The following KIF16B variants were observed in gnomAD, a reference collection of about 807,000 sequenced individuals.
KIF16B encodes the protein kinesin family member 16B.
In KIF16B, 98 loss-of-function variants were observed where a neutral mutation model predicts 156.3. That is an observed-to-expected ratio of 0.63 (90% CI 0.53 to 0.74). The LOEUF is 0.74. Ranked by LOEUF, KIF16B falls within the 30% of genes least tolerant of loss-of-function variation. The pLI, the probability that KIF16B is intolerant of heterozygous loss-of-function variation, is 0.00. For synonymous variants in KIF16B, 564 were observed against 583.7 expected, an observed-to-expected ratio of 0.97 and a Z score of 0.49; for missense variants, 1,421 against 1,606.5, an observed-to-expected ratio of 0.88 and a Z score of 1.97.
intron 23 of KIF16B, among the ~76,000 whole-genome samples, chr20:16,339,589 C>T (rs780273576): frequency 1.3e-5 from 2 of 152,134 alleles, no homozygotes; most frequent in Non-Finnish European, 2.9e-5. Context: ...ATGTCTAATA[C>T]GCATCTCACA....
intron 9 of KIF16B, 27 bp from the exon 10 acceptor site, chr20:16,504,574 T>A: frequency 6.3e-7 from 1 of 1,597,502 alleles, no homozygotes. Context: ...CAAAAAATAA[T>A]TTATCCAGCA....
intron 12 of KIF16B, among the ~76,000 whole-genome samples, chr20:16,493,458 T>C (rs2328041): frequency 6.6e-6 from 1 of 152,228 alleles, no homozygotes; most frequent in Non-Finnish European, 1.5e-5. Context: ...TGCCAAGACA[T>C]TCTGCCAAGA....
chr20:16,546,471 C>T (rs2070409434), intron 1 of KIF16B, among the ~76,000 whole-genome samples: 1 of 152,174 alleles, frequency 6.6e-6, no homozygotes, highest in Admixed American at 6.5e-5. Flanking sequence ...TGGAGATAAA[C>T]CAGTGGACAA....
intron 1 of KIF16B, among the ~76,000 whole-genome samples, chr20:16,567,982 C>T (rs1447582052): frequency 6.6e-6 from 1 of 152,150 alleles, no homozygotes; most frequent in Non-Finnish European, 1.5e-5. Context: ...GTACCTGGTA[C>T]CTGGCAGTGC....
intron 24 of KIF16B, 55 bp downstream of exon 24, chr20:16,335,863 AATCAGCTC>A (rs200576106): frequency 0.017 from 16,944 of 1,000,350 alleles, 187 homozygotes; most frequent in Non-Finnish European, 0.021. Context: ...TTGCTAATGC[AATCAGCTC>A]ATTTACTTTA....
At chr20:16,490,691 G>C (rs2146910974) in intron 12 of KIF16B, among the ~76,000 whole-genome samples, 1 of 152,328 alleles carries the variant, frequency 6.6e-6, no homozygotes, top group African/African-American at 2.4e-5. Flanking sequence ...CTCAGGAGAA[G>C]TTAATCTGCC....
In KIF16B at chr20:16,280,905, A is replaced by G. The variant is rs531433837; in HGVS notation, c.3796-7494T>C. Among the ~76,000 whole-genome samples, 45 of 150,830 alleles carry G rather than the reference A, an allele frequency of 3.0e-4. No individual in the cohort carries two copies. In the South Asian group the frequency reaches 7.1e-3, roughly 24 times the overall value. On this transcript the variant is annotated intron_variant, in intron 25 of 25. Coordinates refer to ENST00000354981, the MANE Select transcript of KIF16B (RefSeq NM_024704.5). The stretch of plus-strand genomic sequence containing the variant: ...CAAGCATGAGAATTTGGGCCTTCAG[A>G]TGCCTTTGAAAGACCTAAGCCTCCT...
chr20:16,504,262 C>T (rs1162751688), intron 10 of KIF16B, 110 bp downstream of exon 10: 1 of 1,075,212 alleles, frequency 9.3e-7, no homozygotes, highest in East Asian at 2.4e-5. Context: ...CTTTACTTAG[C>T]ACTTATTTAC....
intron 22 of KIF16B, among the ~76,000 whole-genome samples, chr20:16,360,671 A>C (rs2064534239): frequency 6.6e-6 from 1 of 152,214 alleles, no homozygotes; most frequent in Non-Finnish European, 1.5e-5. Flanking sequence ...TAAATACAAA[A>C]AATATTTTTT....
At chr20:16,446,853 G>A (rs998216218) in intron 12 of KIF16B, among the ~76,000 whole-genome samples, 1 of 152,142 alleles carries the variant, frequency 6.6e-6, no homozygotes, top group African/African-American at 2.4e-5. Context: ...AACAATAAAT[G>A]CTCCTACACA....
chr20:16,289,230 T>A (rs1359011204), intron 25 of KIF16B, among the ~76,000 whole-genome samples: 1 of 152,182 alleles, frequency 6.6e-6, no homozygotes, highest in Non-Finnish European at 1.5e-5. Flanking sequence ...AAAGTACGGT[T>A]TCTACTGAAT....
At chr20:16,358,039 A>C (rs1243101647) in intron 22 of KIF16B, among the ~76,000 whole-genome samples, 2 of 152,152 alleles carry the variant, frequency 1.3e-5, no homozygotes, top group African/African-American at 4.8e-5. Flanking sequence ...AATACAAAAA[A>C]GTAGTCGGGA....
At chr20:16,565,864 C>A (rs566900289) in intron 1 of KIF16B, among the ~76,000 whole-genome samples, 12 of 152,340 alleles carry the variant, frequency 7.9e-5, no homozygotes, top group Admixed American at 4.6e-4. Flanking sequence ...CCAAGCCACT[C>A]AGAGTCATCT....
Position 16,374,256 on chromosome 20 carries a change from C to A in KIF16B, c.3350+1G>T, listed in dbSNP as rs138620712. On this transcript the variant is annotated splice_donor_variant, in intron 20 of 25. Transcript: ENST00000354981. LOFTEE classifies it high-confidence loss of function. ...CCTGGAATCACTTTCATGTCCAGTACCTGGCATCCATGAGGGGAACCAGGT... is the reference window on the plus strand; with the variant it reads ...CCTGGAATCACTTTCATGTCCAGTAACTGGCATCCATGAGGGGAACCAGGT... 141 of 1,562,992 alleles carry A rather than the reference C, an allele frequency of 9.0e-5. 1 individual carries two copies. The African/African-American group carries it at 1.6e-3, about 18-fold the overall frequency.
chr20:16,297,088 G>A (rs906420489), intron 25 of KIF16B, among the ~76,000 whole-genome samples: 5 of 152,188 alleles, frequency 3.3e-5, no homozygotes, highest in Admixed American at 1.3e-4. Context: ...GAACTTACAC[G>A]GTCATCTCTC....
At chr20:16,476,623 T>C (rs1438171147) in intron 12 of KIF16B, among the ~76,000 whole-genome samples, 1 of 152,226 alleles carries the variant, frequency 6.6e-6, no homozygotes, top group Non-Finnish European at 1.5e-5. Flanking sequence ...CTGATTTAGG[T>C]ATATCATGGG....
chr20:16,494,186 T>C lies in KIF16B; in HGVS notation c.1302+105A>G, dbSNP rs2068378745. ...ACTAATTGGTTCCAGTGATCTTACC[T>C]TAACAAAGTATACAACTGCCATGTT... On this transcript the variant is annotated intron_variant, in intron 12 of 25. Coordinates refer to ENST00000354981, the MANE Select transcript of KIF16B (RefSeq NM_024704.5). 7.2e-6 allele frequency: 5 copies of C among 696,170 alleles called. No homozygotes were observed. The Admixed American group carries it at 9.5e-5, about 13-fold the overall frequency. 43.1% of individuals were successfully genotyped at this position (696,170 alleles called of 1,614,324 possible).
intron 7 of KIF16B, 140 bp downstream of exon 7, chr20:16,507,818 C>T: frequency 2.4e-6 from 2 of 840,114 alleles, no homozygotes; most frequent in Middle Eastern, 3.7e-4. Context: ...ACATGTTCAA[C>T]TCTAATTAAC....
At chr20:16,391,740 T>C (rs1235883280) in intron 17 of KIF16B, among the ~76,000 whole-genome samples, 1 of 151,978 alleles carries the variant, frequency 6.6e-6, no homozygotes, top group African/African-American at 2.4e-5. Context: ...AAGAGAAGAA[T>C]CATGGCCCAA....
Sources: allele counts gnomAD v4.1 joint callset (sites outside exome capture counted in the v4.1 genomes callset), GRCh38; gene constraint gnomAD v4.1.1; transcripts MANE v1.5; gene names NCBI Gene and HGNC (gene_info 2026-07-23, HGNC 2026-07-21).